The following WWOX variants were observed in gnomAD, a reference collection of about 807,000 sequenced individuals.
WWOX encodes WW domain-containing oxidoreductase.
In WWOX, 69 loss-of-function variants were observed where a neutral mutation model predicts 46.2. That is an observed-to-expected ratio of 1.49 (90% CI 1.23 to 1.82). The LOEUF is 1.82. WWOX is among the 40% of genes most tolerant of loss of function. The pLI, the probability that WWOX is intolerant of heterozygous loss-of-function variation, is 0.00. For synonymous variants in WWOX, 359 were observed against 202.6 expected (o/e 1.77, Z -6.56); for missense variants, 919 against 542.6 (o/e 1.69, Z -6.89).
At chr16:79,122,703 G>T (rs891641315) in intron 8 of WWOX, among the ~76,000 whole-genome samples, 2 of 152,100 alleles carry the variant, frequency 1.3e-5, no homozygotes, top group Admixed American at 1.3e-4. Flanking sequence ...CCGTAAGCTA[G>T]GATAACTGAG....
intron 8 of WWOX, among the ~76,000 whole-genome samples, chr16:78,867,018 T>C (rs141957066): frequency 7.1e-4 from 108 of 152,340 alleles, no homozygotes; most frequent in South Asian, 2.9e-3. Context: ...TATTGCAGGC[T>C]GGGTCTAGTC....
intron 5 of WWOX, among the ~76,000 whole-genome samples, chr16:78,281,325 T>C (rs2079674523): frequency 6.6e-6 from 1 of 152,148 alleles, no homozygotes; most frequent in African/African-American, 2.4e-5. Flanking sequence ...CGGGGACAAA[T>C]ATCCAAACTA....
intron 5 of WWOX, among the ~76,000 whole-genome samples, chr16:78,381,042 C>G (rs575966937): frequency 6.6e-6 from 1 of 152,256 alleles, no homozygotes; most frequent in South Asian, 2.1e-4. Context: ...CTTCCAGTAG[C>G]TTTCCTGAAG....
At chr16:78,107,718 C>G (rs1244584916) in intron 1 of WWOX, among the ~76,000 whole-genome samples, 4 of 152,068 alleles carry the variant, frequency 2.6e-5, no homozygotes, top group Non-Finnish European at 4.4e-5. Flanking sequence ...GCTTCTAGTC[C>G]CAGCCACTCA....
intron 8 of WWOX, among the ~76,000 whole-genome samples, chr16:78,832,721 A>G (rs1383537122): frequency 6.6e-6 from 1 of 152,128 alleles, no homozygotes; most frequent in Non-Finnish European, 1.5e-5. Flanking sequence ...TGGACAACCC[A>G]AGGGAATCAT....
intron 8 of WWOX, among the ~76,000 whole-genome samples, chr16:78,616,656 C>G (rs1324959093): frequency 6.6e-6 from 1 of 151,890 alleles, no homozygotes; most frequent in Non-Finnish European, 1.5e-5. Flanking sequence ...GTAATCCCAG[C>G]CACTTGGAAG....
At chr16:78,383,810 A>C (rs1300034420) in intron 5 of WWOX, among the ~76,000 whole-genome samples, 2 of 152,162 alleles carry the variant, frequency 1.3e-5, no homozygotes, top group Non-Finnish European at 2.9e-5. Context: ...CCTGAATAAC[A>C]GTGTGTGGAC....
At chr16:78,182,436 A>G (rs1048519028) in intron 5 of WWOX, among the ~76,000 whole-genome samples, 13 of 151,736 alleles carry the variant, frequency 8.6e-5, no homozygotes, top group East Asian at 1.9e-4. Context: ...GGCACAGACT[A>G]TGTCCTCTGC....
chr16:78,101,668 G>T (rs1047437018), intron 1 of WWOX, among the ~76,000 whole-genome samples: 2 of 152,088 alleles, frequency 1.3e-5, no homozygotes, highest in Non-Finnish European at 2.9e-5. Flanking sequence ...CCCTTGGTAG[G>T]TTGTAAAATC....
At chr16:78,188,122 G>C (rs1316990997) in intron 5 of WWOX, among the ~76,000 whole-genome samples, 1 of 152,140 alleles carries the variant, frequency 6.6e-6, no homozygotes, top group Non-Finnish European at 1.5e-5. Flanking sequence ...TTTAGTACTT[G>C]TCAATATGTA....
In WWOX at chr16:79,212,158, C is replaced by T. The variant is rs187870156; in HGVS notation, c.*362C>T. ...GAGGTCCCCTCGTCCCATCCAGCTACCACCACGGCCACCACTGCAGCCGGG... is the reference window on the plus strand; with the variant it reads ...GAGGTCCCCTCGTCCCATCCAGCTATCACCACGGCCACCACTGCAGCCGGG... On this transcript the variant is annotated 3_prime_UTR_variant, in exon 9 of 9. Transcript: ENST00000566780. 26 of 1,494,178 alleles carry T rather than the reference C, an allele frequency of 1.7e-5. 1 individual carries two copies. The Middle Eastern group carries it at 9.1e-4, about 52-fold the overall frequency. 92.6% of individuals were successfully genotyped at this position (1,494,178 alleles called of 1,614,324 possible).
At chr16:78,198,845 T>C (rs2036141749) in intron 5 of WWOX, among the ~76,000 whole-genome samples, 1 of 152,204 alleles carries the variant, frequency 6.6e-6, no homozygotes, top group South Asian at 2.1e-4. Flanking sequence ...TATATATACA[T>C]GTAAGTTTCC....
chr16:78,260,091 C>T lies in WWOX; in HGVS notation c.516+95802C>T, dbSNP rs115186863. Among the ~76,000 whole-genome samples, 36 of 151,280 alleles carry T rather than the reference C, an allele frequency of 2.4e-4. 1 individual carries two copies. The highest frequency in any genetic ancestry group is 3.4e-3 in the Middle Eastern group (1 of 292). On this transcript the variant is annotated intron_variant, in intron 5 of 8. Coordinates refer to ENST00000566780, the MANE Select transcript of WWOX (RefSeq NM_016373.4). ...AGGAGCGTTTCTGCTGGAATCAGCT[C>T]GATGCCTCTTGAGGACAGAGACTCC...
At chr16:78,521,791 T>C (rs972737819) in intron 8 of WWOX, among the ~76,000 whole-genome samples, 1 of 152,154 alleles carries the variant, frequency 6.6e-6, no homozygotes, top group Non-Finnish European at 1.5e-5. Context: ...TTGTTTTTTT[T>C]TTTGGCATAA....
chr16:79,159,041 T>A (rs570275170), intron 8 of WWOX, among the ~76,000 whole-genome samples: 2 of 152,290 alleles, frequency 1.3e-5, no homozygotes, highest in Non-Finnish European at 2.9e-5. Flanking sequence ...GCTCTGAAAA[T>A]TACGAAAGAA....
intron 8 of WWOX, among the ~76,000 whole-genome samples, chr16:78,938,182 G>C (rs947176206): frequency 6.6e-6 from 1 of 152,166 alleles, no homozygotes; most frequent in Non-Finnish European, 1.5e-5. Flanking sequence ...CAGGATGGCT[G>C]TTTTGAGAGG....
rs564541435 is a variant in WWOX at position 78,768,915 on chromosome 16, T to C, written c.1056+336163T>C. Among the ~76,000 whole-genome samples, 92 of 152,214 alleles carry C rather than the reference T, an allele frequency of 6.0e-4. 2 individuals are homozygous for C. Among genetic ancestry groups the C allele is most frequent in the Admixed American group, 5.9e-3 (90 of 15,290 alleles). On this transcript the variant is annotated intron_variant, in intron 8 of 8. Transcript: ENST00000566780. Reference sequence around the variant, plus strand: ...TAAGCAGGAAGCTGACGCTGCGCCATGGTGTAGGGGAGGAGGACGGTTTCC... The same window carrying C: ...TAAGCAGGAAGCTGACGCTGCGCCACGGTGTAGGGGAGGAGGACGGTTTCC...
intron 6 of WWOX, among the ~76,000 whole-genome samples, chr16:78,388,045 G>A (rs2082096550): frequency 6.6e-6 from 1 of 152,080 alleles, no homozygotes; most frequent in Non-Finnish European, 1.5e-5. Flanking sequence ...GCTGTCTAGT[G>A]TCCAATTCTC....
At chr16:79,093,259 G>A (rs1310593929) in intron 8 of WWOX, among the ~76,000 whole-genome samples, 1 of 152,156 alleles carries the variant, frequency 6.6e-6, no homozygotes, top group East Asian at 1.9e-4. Context: ...GATTTTGGAG[G>A]CGAAAGATAC....
Sources: allele counts gnomAD v4.1 joint callset (sites outside exome capture counted in the v4.1 genomes callset), GRCh38; gene constraint gnomAD v4.1.1; transcripts MANE v1.5; gene names NCBI Gene and HGNC (gene_info 2026-07-23, HGNC 2026-07-21).